Variants in DPYSL2 observed in about 807,000 individuals in gnomAD.
DPYSL2 encodes the protein dihydropyrimidinase like 2.
DPYSL2 carries 13 observed loss-of-function variants against 69.9 expected under a neutral mutation model. The ratio of observed to expected loss-of-function variants is 0.19; its 90% CI spans 0.12 to 0.30. The LOEUF is 0.30. Among genes scored for constraint, DPYSL2 ranks in the 10% least tolerant of loss-of-function variants. The probability of loss-of-function intolerance (pLI) is 1.00; values close to 1 mark genes in which losing one functional copy is unlikely to be tolerated. For missense variants in DPYSL2, 587 were observed against 918.9 expected (o/e 0.64, Z 4.67); for synonymous variants, 326 against 359.1 (o/e 0.91, Z 1.04).
intron 1 of DPYSL2, among the ~76,000 whole-genome samples, chr8:26,539,594 C>T (rs1800646960): frequency 6.6e-6 from 1 of 152,134 alleles, no homozygotes. Flanking sequence ...GGCTGGAGTA[C>T]AGTGGTGTGA....
chr8:26,632,302 G>T (rs1029837234), intron 7 of DPYSL2, among the ~76,000 whole-genome samples: 4 of 152,230 alleles, frequency 2.6e-5, no homozygotes, highest in African/African-American at 9.6e-5. Flanking sequence ...GATCCTTTCT[G>T]AAGGGACTGT....
rs1803014137 is a variant in DPYSL2, at chr8:26,640,340, TAC to T, written c.1127-3098_1127-3097del. Among the ~76,000 whole-genome samples the T allele has an allele frequency of 6.6e-6, 1 of 152,212 alleles. No individual in the cohort carries two copies. The highest frequency in any genetic ancestry group is 2.4e-5 in the African/African-American group (1 of 41,460). ...TGGTCACATCCTTCAGTTTAGACTT[TAC>T]CTGGAGAAGAAAATCACAAAGGTCT... On this transcript the variant is annotated intron_variant, in intron 8 of 13. Transcript: ENST00000521913. The surrounding 1 kb of genome is among the most constrained non-coding windows in gnomAD (Gnocchi z 4.2).
Position 26,560,991 on chromosome 8 carries a change from A to T in DPYSL2, c.355-20978A>T, listed in dbSNP as rs1210646657. 6.6e-6 allele frequency among the ~76,000 whole-genome samples: 1 copy of T among 152,154 alleles called. No homozygotes were observed. The highest frequency in any genetic ancestry group is 2.4e-5 in the African/African-American group (1 of 41,416). On this transcript the variant is annotated intron_variant, in intron 1 of 13. Transcript: ENST00000521913. The surrounding 1 kb of genome is among the most constrained non-coding windows in gnomAD (Gnocchi z 4.4). ...TGTCCACAGTTATTAATGGTACCTT[A>T]CACTACACAGTTGCTGCCACATCCA...
rs58507482 is a variant in DPYSL2, at chr8:26,591,255, T to A, written c.628+7272T>A. On this transcript the variant is annotated intron_variant, in intron 3 of 13. Coordinates refer to ENST00000521913, the MANE Select transcript of DPYSL2 (RefSeq NM_001197293.3). This position sits in a 1 kb window ranked among gnomAD's most constrained non-coding sequence, Gnocchi z 5.8. Reference sequence around the variant, plus strand: ...GAACTTCCTGTCGATCCTGCTGGCCTGATTGACAGCTGGAACCGGGAGTGG... The same window carrying A: ...GAACTTCCTGTCGATCCTGCTGGCCAGATTGACAGCTGGAACCGGGAGTGG... Among the ~76,000 whole-genome samples the A allele has an allele frequency of 0.043, 6,558 of 152,290 alleles. 452 individuals are homozygous for A. The highest frequency in any genetic ancestry group is 0.15 in the African/African-American group (6,194 of 41,538).
chr8:26,652,028 T>G lies in DPYSL2; in HGVS notation c.1597-229T>G, dbSNP rs998328230. Reference sequence around the variant, plus strand: ...GCACCCTTTTCACACAATTATTCTGTTTAATTATTTTTCTTTCTAATGTGG... The same window carrying G: ...GCACCCTTTTCACACAATTATTCTGGTTAATTATTTTTCTTTCTAATGTGG... On this transcript the variant is annotated intron_variant, in intron 11 of 13. Transcript: ENST00000521913. This position sits in a 1 kb window ranked among gnomAD's most constrained non-coding sequence, Gnocchi z 6.3. 6.6e-6 allele frequency among the ~76,000 whole-genome samples: 1 copy of G among 152,242 alleles called. No homozygotes were observed. The highest frequency in any genetic ancestry group is 2.4e-5 in the African/African-American group (1 of 41,468).
rs761852158 is a variant in DPYSL2 at position 26,655,593 on chromosome 8, CTCTCT to C, written c.1943-17_1943-13del. ...GACTGTCCTGGCCCCTCACCCGCTC[CTCTCT>C]TCTCCTCTCCCTCCAGGTGCTCAGA... On this transcript the variant is annotated splice_polypyrimidine_tract_variant and intron_variant, in intron 13 of 13. Coordinates refer to ENST00000521913, the MANE Select transcript of DPYSL2 (RefSeq NM_001197293.3). 1 of 1,586,552 alleles carries C rather than the reference CTCTCT, an allele frequency of 6.3e-7. No individual in the cohort carries two copies. The highest frequency in any genetic ancestry group is 1.1e-5 in the South Asian group (1 of 89,540).
chr8:26,588,108 A>G lies in DPYSL2; in HGVS notation c.628+4125A>G, dbSNP rs1203709056. On this transcript the variant is annotated intron_variant, in intron 3 of 13. Transcript: ENST00000521913. This position sits in a 1 kb window ranked among gnomAD's most constrained non-coding sequence, Gnocchi z 5.4. ...TCACAACAGCATCTGCCCAGTAGTG[A>G]GCACTCCCATGTGGTAGCTATTGTC... Among the ~76,000 whole-genome samples the G allele has an allele frequency of 1.3e-5, 2 of 152,144 alleles. No individual in the cohort carries two copies. Among genetic ancestry groups the G allele is most frequent in the Non-Finnish European group, 2.9e-5 (2 of 68,024 alleles).
At position 26,655,821 on chromosome 8, in the gene DPYSL2, T is replaced by G. The variant is rs1291171920; in HGVS notation, c.*115T>G. ...TGTTTTTTTTTTTAAGAGCCTGTGA[T>G]AGTTACTGTGGAGCAGCCAGTTCAT... On this transcript the variant is annotated 3_prime_UTR_variant, in exon 14 of 14. Coordinates refer to ENST00000521913, the MANE Select transcript of DPYSL2 (RefSeq NM_001197293.3). 2.9e-6 allele frequency: 3 copies of G among 1,027,064 alleles called. No homozygotes were observed. The highest frequency in any genetic ancestry group is 5.9e-5 in the Admixed American group (2 of 34,018). The allele number at this position is 1,027,064 out of a possible 1,614,324, so 63.6% of individuals were successfully genotyped here.
chr8:26,575,958 G>A (rs1370191058), intron 1 of DPYSL2, among the ~76,000 whole-genome samples: 1 of 152,158 alleles, frequency 6.6e-6, no homozygotes, highest in Non-Finnish European at 1.5e-5. Context: ...CAAGTAGAAA[G>A]GCGTATTTTA....
At chr8:26,606,498 A>G (rs964292274) in intron 3 of DPYSL2, among the ~76,000 whole-genome samples, 1 of 152,192 alleles carries the variant, frequency 6.6e-6, no homozygotes, top group Admixed American at 6.5e-5. Context: ...CTTGCAATAT[A>G]TGATAAAGGG....
At position 26,614,556 on chromosome 8, in the gene DPYSL2, C is replaced by T. The variant is rs1416224024; in HGVS notation, c.629-9587C>T. On this transcript the variant is annotated intron_variant, in intron 3 of 13. Transcript: ENST00000521913. The surrounding 1 kb of genome is among the most constrained non-coding windows in gnomAD (Gnocchi z 4.9). ...CCTCTTTGTTTCCTCCAAAGTTGGC[C>T]GATCACCAGATCACTTAAAGGAGGT... 1.3e-5 allele frequency among the ~76,000 whole-genome samples: 2 copies of T among 152,136 alleles called. No individual in the cohort carries two copies. Among genetic ancestry groups the T allele is most frequent in the African/African-American group, 2.4e-5 (1 of 41,430 alleles).
chr8:26,539,754 A>G (rs1800649289), intron 1 of DPYSL2, among the ~76,000 whole-genome samples: 2 of 152,164 alleles, frequency 1.3e-5, no homozygotes, highest in South Asian at 4.1e-4. Flanking sequence ...CTACACCACC[A>G]TGCCCTTCCT....
rs35515244 is a variant in DPYSL2 at position 26,564,773 on chromosome 8, T to TA, written c.355-17190dup. 1.2e-4 allele frequency among the ~76,000 whole-genome samples: 17 copies of TA among 145,102 alleles called. No individual in the cohort carries two copies. The highest frequency in any genetic ancestry group is 3.0e-4 in the African/African-American group (12 of 40,524). The stretch of plus-strand genomic sequence containing the variant: ...TTTCTTTTTAAAAGAATTTTTTTTT[T>TA]AAAAAATTTCAATAGCTTTTGGGAT... On this transcript the variant is annotated intron_variant, in intron 1 of 13. Transcript: ENST00000521913. The surrounding 1 kb of genome is among the most constrained non-coding windows in gnomAD (Gnocchi z 4.8).
Position 26,624,210 on chromosome 8 carries a change from C to T in DPYSL2, c.696C>T (p.Ala232=), listed in dbSNP as rs143313769. The change falls in exon 4 of 14, where the codon GCC becomes GCT. Residue 232 remains alanine, a synonymous_variant. Coordinates refer to ENST00000521913, the MANE Select transcript of DPYSL2 (RefSeq NM_001197293.3). This position sits in a 1 kb window ranked among gnomAD's most constrained non-coding sequence, Gnocchi z 4.7. ...LAAFDQWREW[A]DSKSCCDYSL... Reference sequence around the variant, plus strand: ...CCTTTGACCAGTGGAGGGAATGGGCCGACAGCAAGTCCTGCTGTGACTACT... The same window carrying T: ...CCTTTGACCAGTGGAGGGAATGGGCTGACAGCAAGTCCTGCTGTGACTACT... The T allele has an allele frequency of 4.8e-5, 77 of 1,614,026 alleles. No homozygotes were observed. The highest frequency in any genetic ancestry group is 6.0e-5 in the Non-Finnish European group (71 of 1,180,036).
rs1491457483 is a variant in DPYSL2 at position 26,577,993 on chromosome 8, T to TCTC, written c.355-3976_355-3975insCTC. On this transcript the variant is annotated intron_variant, in intron 1 of 13. Coordinates refer to ENST00000521913, the MANE Select transcript of DPYSL2 (RefSeq NM_001197293.3). ...CCTTCCCTCCTGTTTCTCTCTCTCC[T>TCTC]TCTCTCTCTCTCTCTCTCTCTCTCT... is the stretch of plus-strand genomic sequence containing the variant. 11 of 1,204,094 alleles carry TCTC rather than the reference T, an allele frequency of 9.1e-6. No individual in the cohort carries two copies. In the African/African-American group the frequency reaches 1.7e-4, roughly 19 times the overall value. 74.6% of individuals were successfully genotyped at this position (1,204,094 alleles called of 1,614,324 possible).
rs1188799252 is a variant in DPYSL2 at position 26,617,687 on chromosome 8, C to T, written c.629-6456C>T. Among the ~76,000 whole-genome samples the T allele has an allele frequency of 6.6e-6, 1 of 152,122 alleles. No homozygotes were observed. The highest frequency in any genetic ancestry group is 1.5e-5 in the Non-Finnish European group (1 of 68,038). On this transcript the variant is annotated intron_variant, in intron 3 of 13. Transcript: ENST00000521913. This position sits in a 1 kb window ranked among gnomAD's most constrained non-coding sequence, Gnocchi z 4.7. ...AGGAGGGGAAGGAAGCACTGATTCT[C>T]GCTGCAGCATGGATGAACCTTGACG...
chr8:26,524,173 C>G (rs922657936), intron 1 of DPYSL2, among the ~76,000 whole-genome samples: 1 of 152,158 alleles, frequency 6.6e-6, no homozygotes, highest in Admixed American at 6.5e-5. Context: ...ACATCCTCGC[C>G]TATACTTATT....
chr8:26,539,624 C>T (rs1412724542), intron 1 of DPYSL2, among the ~76,000 whole-genome samples: 1 of 152,174 alleles, frequency 6.6e-6, no homozygotes, highest in Non-Finnish European at 1.5e-5. Context: ...ACTGCAACCT[C>T]TGCCTCCTGG....
chr8:26,566,608 G>C (rs1801152683), intron 1 of DPYSL2, among the ~76,000 whole-genome samples: 1 of 152,066 alleles, frequency 6.6e-6, no homozygotes, highest in African/African-American at 2.4e-5. Context: ...TTGACAGGAG[G>C]GAAAGGAGTA....
Sources: allele counts gnomAD v4.1 joint callset (sites outside exome capture counted in the v4.1 genomes callset), GRCh38; gene constraint gnomAD v4.1.1; non-coding constraint Gnocchi (gnomAD v3.1); transcripts MANE v1.5; gene names NCBI Gene and HGNC (gene_info 2026-07-23, HGNC 2026-07-21).